Variants in DOK7 observed in about 807,000 individuals in gnomAD.
DOK7 encodes the protein docking protein 7.
DOK7 carries 32 observed loss-of-function variants against 30.7 expected under a neutral mutation model. That is an observed-to-expected ratio of 1.04 (90% confidence interval 0.79 to 1.40). The LOEUF is 1.40. Ranked by LOEUF, DOK7 falls within the 40% of genes most tolerant of loss-of-function variation. The pLI is 0.00. For synonymous variants in DOK7, 447 were observed against 324.1 expected, an observed-to-expected ratio of 1.38 and a Z score of -4.07; for missense variants, 1,007 against 699.2, an observed-to-expected ratio of 1.44 and a Z score of -4.97.
At chr4:3,500,057 G>T (rs1415935270) in intron 6 of DOK7, among the ~76,000 whole-genome samples, 2 of 35,026 alleles carry the variant, frequency 5.7e-5, no homozygotes, top group Non-Finnish European at 1.5e-4. Context: ...GGACAGTGTG[G>T]GGGGGGCCTC....
At chr4:3,484,615 C>G in intron 4 of DOK7, 1 of 985,520 alleles carries the variant, frequency 1.0e-6, no homozygotes, top group Non-Finnish European at 1.2e-6. Flanking sequence ...GCAGCTGGGG[C>G]TTCTCCACGG....
intron 6 of DOK7, 122 bp from the exon 7 acceptor site, chr4:3,492,637 G>C: frequency 1.4e-6 from 2 of 1,395,306 alleles, no homozygotes; most frequent in Non-Finnish European, 2.0e-6. Flanking sequence ...CGGGGCTTGG[G>C]GGCTGGAAGG....
intron 3 of DOK7, among the ~76,000 whole-genome samples, chr4:3,475,172 A>G (rs1291992840): frequency 6.6e-6 from 1 of 152,136 alleles, no homozygotes; most frequent in African/African-American, 2.4e-5. Flanking sequence ...AGACATTAGG[A>G]GGGAAGAACT....
chr4:3,489,572 A>G (rs1728037154), intron 5 of DOK7, 105 bp from the exon 6 acceptor site: 3 of 1,531,402 alleles, frequency 2.0e-6, no homozygotes, highest in Admixed American at 2.0e-5. Flanking sequence ...GGGGACTGCC[A>G]CTCCACAGAG....
In DOK7 at chr4:3,490,230, C is replaced by T. The variant is rs1418919198; in HGVS notation, c.772+434C>T. On this transcript the variant is annotated intron_variant, in intron 6 of 6. Coordinates refer to ENST00000340083, the MANE Select transcript of DOK7 (RefSeq NM_173660.5). Reference sequence around the variant, plus strand: ...TCATTCATTCCTGTCTTCACCCCCTCATTCATTCCTTCCTTTTCTCCCTGC... The same window carrying T: ...TCATTCATTCCTGTCTTCACCCCCTTATTCATTCCTTCCTTTTCTCCCTGC... Among the ~76,000 whole-genome samples, 156 of 103,470 alleles carry T rather than the reference C, an allele frequency of 1.5e-3. 1 individual carries two copies. Among genetic ancestry groups the T allele is most frequent in the African/African-American group, 5.7e-3 (135 of 23,842 alleles). 67.9% of individuals were successfully genotyped at this position (103,470 alleles called of 152,430 possible). A position where few individuals can be genotyped will look rare whatever the true frequency, so the allele number is the denominator to read the frequency against.
At chr4:3,496,316 T>C (rs1353226130), downstream of DOK7, among the ~76,000 whole-genome samples, 1 of 152,156 alleles carries the variant, frequency 6.6e-6, no homozygotes, top group Admixed American at 6.5e-5. Flanking sequence ...CAGTGGGGCA[T>C]TTTCCAGGGG....
intron 6 of DOK7, chr4:3,500,192 C>CT (rs1729121064): frequency 6.6e-7 from 1 of 1,518,684 alleles, no homozygotes; most frequent in Admixed American, 2.0e-5. Context: ...ACTGCACAAT[C>CT]TTTGAGATCT....
At chr4:3,466,374 C>A (rs967087001) in intron 2 of DOK7, among the ~76,000 whole-genome samples, 4 of 152,188 alleles carry the variant, frequency 2.6e-5, no homozygotes, top group Non-Finnish European at 4.4e-5. Context: ...CCCGTGAGCC[C>A]CGGAGCTGCC....
chr4:3,483,355 G>T (rs1727551959), intron 4 of DOK7, among the ~76,000 whole-genome samples: 1 of 152,056 alleles, frequency 6.6e-6, no homozygotes, highest in Non-Finnish European at 1.5e-5. Context: ...CGGGGGTGGA[G>T]CATGAACCCA....
chr4:3,496,339 G>T (rs951101538), downstream of DOK7, among the ~76,000 whole-genome samples: 1 of 152,216 alleles, frequency 6.6e-6, no homozygotes, highest in Admixed American at 6.5e-5. Context: ...CCCCCCTGCG[G>T]AGCCTTCCCC....
chr4:3,464,320 G>A (rs1726147931), intron 2 of DOK7, among the ~76,000 whole-genome samples: 1 of 152,192 alleles, frequency 6.6e-6, no homozygotes, highest in South Asian at 2.1e-4. Context: ...CAGGGAGGGT[G>A]TGGGGCAGGG....
At chr4:3,469,072 GCC>G (rs1399908343) in intron 2 of DOK7, among the ~76,000 whole-genome samples, 2 of 149,788 alleles carry the variant, frequency 1.3e-5, no homozygotes, top group African/African-American at 5.0e-5. Context: ...TAGTGTGTGT[GCC>G]TGAGTGTACA....
In DOK7 at chr4:3,493,194, C is replaced by G. The variant is rs972398982; in HGVS notation, c.1208C>G (p.Ala403Gly). 3.1e-6 allele frequency: 5 copies of G among 1,611,104 alleles called. No individual in the cohort carries two copies. The highest frequency in any genetic ancestry group is 3.3e-5 in the Admixed American group (2 of 59,874). The change falls in exon 7 of 7, where the codon GCC becomes GGC. Residue 403 changes from alanine (A) to glycine (G), a missense_variant. Ala to Gly is a moderately conservative substitution (Grantham distance 60). Coordinates refer to ENST00000340083, the MANE Select transcript of DOK7 (RefSeq NM_173660.5). ...TACCAGGTGCCCACCTCCCTGCGGG[C>G]CCACTATGACACACCACGCAGCCTT... Reference protein sequence around the residue: ...VEYQVPTSLRAHYDTPRSLCL... With the variant: ...VEYQVPTSLRGHYDTPRSLCL...
At chr4:3,482,661 T>C (rs1727502186) in intron 4 of DOK7, among the ~76,000 whole-genome samples, 1 of 152,240 alleles carries the variant, frequency 6.6e-6, no homozygotes, top group Non-Finnish European at 1.5e-5. Flanking sequence ...CTGTGTGATA[T>C]AGCAAAATGG....
chr4:3,483,977 T>G (rs1278614133), intron 4 of DOK7, among the ~76,000 whole-genome samples: 1 of 152,176 alleles, frequency 6.6e-6, no homozygotes, highest in African/African-American at 2.4e-5. Context: ...CAGCGGGCAT[T>G]GGCCTCCCCT....
chr4:3,493,643 G>T lies in DOK7; in HGVS notation c.*142G>T. The T allele has an allele frequency of 6.8e-7, 1 of 1,467,214 alleles. No homozygotes were observed. Among genetic ancestry groups the T allele is most frequent in the Non-Finnish European group, 9.0e-7 (1 of 1,107,748 alleles). 90.9% of individuals were successfully genotyped at this position (1,467,214 alleles called of 1,614,324 possible). A position where few individuals can be genotyped will look rare whatever the true frequency, so the allele number is the denominator to read the frequency against. ...GGTCTCCCGGAGAGGGGAGCTGGAGGGCGCGCCCTGTGGCTGCCACCGGAG... is the reference window on the plus strand; with the variant it reads ...GGTCTCCCGGAGAGGGGAGCTGGAGTGCGCGCCCTGTGGCTGCCACCGGAG... On this transcript the variant is annotated 3_prime_UTR_variant, in exon 7 of 7. Transcript: ENST00000340083.
chr4:3,489,956 C>T (rs1400383319), intron 6 of DOK7, among the ~76,000 whole-genome samples, 160 bp downstream of exon 6: 1 of 147,644 alleles, frequency 6.8e-6, no homozygotes, highest in Non-Finnish European at 1.5e-5. Context: ...ACTCCCCGCC[C>T]CGCCCGCTAC....
rs1728698214 is a variant in DOK7, at chr4:3,493,610, G to A, written c.*109G>A. The A allele has an allele frequency of 6.6e-7, 1 of 1,510,446 alleles. No homozygotes were observed. Among genetic ancestry groups the A allele is most frequent in the Non-Finnish European group, 8.9e-7 (1 of 1,126,984 alleles). The allele number at this position is 1,510,446 out of a possible 1,614,324, so 93.6% of individuals were successfully genotyped here. A position where few individuals can be genotyped will look rare whatever the true frequency, so the allele number is the denominator to read the frequency against. On this transcript the variant is annotated 3_prime_UTR_variant, in exon 7 of 7. Coordinates refer to ENST00000340083, the MANE Select transcript of DOK7 (RefSeq NM_173660.5). Reference sequence around the variant, plus strand: ...ACTGGTGCTCTGTGTTCTGTGGGAGGGACCGGGGGTCTCCCGGAGAGGGGA... The same window carrying A: ...ACTGGTGCTCTGTGTTCTGTGGGAGAGACCGGGGGTCTCCCGGAGAGGGGA...
At chr4:3,477,036 T>C (rs1463881561) in intron 4 of DOK7, among the ~76,000 whole-genome samples, 1 of 152,042 alleles carries the variant, frequency 6.6e-6, no homozygotes, top group Non-Finnish European at 1.5e-5. Context: ...GGGGATGGCC[T>C]GAGTCCTCTG....
Sources: gnomAD v4.1 joint callset for allele counts (sites outside exome capture counted in the v4.1 genomes callset) on GRCh38, gnomAD v4.1.1 for gene constraint, MANE v1.5 for transcripts, NCBI Gene and HGNC (gene_info 2026-07-23, HGNC 2026-07-21) for gene names.